The following COG2 variants were observed in gnomAD, a reference collection of about 807,000 sequenced individuals.
The protein encoded by COG2 is conserved oligomeric Golgi complex subunit 2.
Under a neutral mutation model 90.6 loss-of-function variants are expected in COG2, and 52 were observed. The observed-to-expected ratio is 0.57, with a 90% CI of 0.46 to 0.72. The LOEUF (loss-of-function observed/expected upper bound fraction) is 0.72, where lower values mean the gene tolerates loss of function less well. Ranked by LOEUF, COG2 falls within the 30% of genes least tolerant of loss-of-function variation. The probability of loss-of-function intolerance (pLI) is 0.00; values close to 1 mark genes in which losing one functional copy is unlikely to be tolerated. For synonymous variants in COG2, 337 were observed against 320.4 expected, an observed-to-expected ratio of 1.05 and a Z score of -0.55; for missense variants, 829 against 891.2, an observed-to-expected ratio of 0.93 and a Z score of 0.89.
rs1214696125 is a variant in COG2, at chr1:230,669,489, C to T, written c.728C>T (p.Ala243Val). ...TYATIDKTRD[A>V]EALVGQVLVK... Reference sequence around the variant, plus strand: ...GCCACGATTGACAAGACACGGGACGCGGAGGCCTTAGTTGGCCAAGTACTA... The same window carrying T: ...GCCACGATTGACAAGACACGGGACGTGGAGGCCTTAGTTGGCCAAGTACTA... Residue 243 changes from alanine (A) to valine (V), a missense_variant, in exon 7 of 18, where the codon GCG (alanine) becomes GTG (valine). Coordinates refer to ENST00000366669, the MANE Select transcript of COG2 (RefSeq NM_007357.3). The T allele has an allele frequency of 6.2e-6, 10 of 1,613,882 alleles. No homozygotes were observed. The highest frequency in any genetic ancestry group is 5.0e-5 in the Admixed American group (3 of 59,992).
At chr1:230,659,406 G>T in intron 1 of COG2, 58 bp from the exon 2 acceptor site, 1 of 1,335,660 alleles carries the variant, frequency 7.5e-7, no homozygotes, top group Non-Finnish European at 1.1e-6. Context: ...CATTTCATTT[G>T]TATATGTCAC....
At position 230,659,561 on chromosome 1, in the gene COG2, A is replaced by C; in HGVS notation, c.170A>C (p.Lys57Thr). ...CTGGAGCTCTACTATAAACTTCTTA[A>C]AACAGCCATGGTCGAACTCATCAAC... ...DDLELYYKLL[K>T]TAMVELINKD... Residue 57 changes from lysine to threonine, a missense_variant, in exon 2 of 18, where the codon AAA becomes ACA. Transcript: ENST00000366669. 6.2e-7 allele frequency: 1 copy of C among 1,614,098 alleles called. No individual in the cohort carries two copies. The highest frequency in any genetic ancestry group is 8.5e-7 in the Non-Finnish European group (1 of 1,179,990).
At chr1:230,650,388 A>G (rs1368209492) in intron 1 of COG2, among the ~76,000 whole-genome samples, 1 of 152,018 alleles carries the variant, frequency 6.6e-6, no homozygotes. Flanking sequence ...TTTTTAATAA[A>G]AGCTGTTCTG....
At chr1:230,677,928 C>G (rs1662639581) in intron 9 of COG2, 1 of 621,380 alleles carries the variant, frequency 1.6e-6, no homozygotes, top group Admixed American at 6.3e-5. Context: ...GAAGAATAAT[C>G]CCTATTTTTG....
At chr1:230,654,947 G>A (rs7534032) in intron 1 of COG2, among the ~76,000 whole-genome samples, 9,091 of 152,158 alleles carry the variant, frequency 0.06, 562 homozygotes, top group African/African-American at 0.16. Flanking sequence ...CATTGATTTT[G>A]TATCCTGAGA....
intron 1 of COG2, among the ~76,000 whole-genome samples, chr1:230,654,271 C>G (rs1049870548): frequency 1.2e-4 from 19 of 152,060 alleles, no homozygotes; most frequent in Non-Finnish European, 2.9e-5. Flanking sequence ...GTCTTTAATC[C>G]ATCTTGAGTT....
At chr1:230,674,616 G>T (rs12041242) in intron 8 of COG2, among the ~76,000 whole-genome samples, 19,660 of 152,222 alleles carry the variant, frequency 0.13, 1,741 homozygotes, top group Admixed American at 0.2. Flanking sequence ...GTGTGGTTTA[G>T]TGGTGTTCAG....
intron 1 of COG2, among the ~76,000 whole-genome samples, chr1:230,654,851 A>G (rs1466124979): frequency 1.3e-5 from 2 of 152,080 alleles, no homozygotes; most frequent in African/African-American, 4.8e-5. Context: ...TTATTATCTT[A>G]GTAGCAATTG....
chr1:230,668,997 AT>A (rs1662384569), intron 6 of COG2: 1 of 465,028 alleles, frequency 2.2e-6, no homozygotes, highest in Admixed American at 3.9e-5. Context: ...TAAGAGTAAA[AT>A]TAATTCTGAA....
At chr1:230,673,103 G>T (rs2102760817) in intron 8 of COG2, among the ~76,000 whole-genome samples, 2 of 152,256 alleles carry the variant, frequency 1.3e-5, no homozygotes, top group South Asian at 4.1e-4. Flanking sequence ...GAACATAGTA[G>T]AAATCATGAT....
chr1:230,693,904 C>T lies in COG2; in HGVS notation c.*511C>T, dbSNP rs1187111735. 1 of 152,240 alleles carries T rather than the reference C, an allele frequency of 6.6e-6. No homozygotes were observed. The highest frequency in any genetic ancestry group is 1.5e-5 in the Non-Finnish European group (1 of 68,056). 9.4% of individuals were successfully genotyped at this position (152,240 alleles called of 1,614,324 possible). On this transcript the variant is annotated 3_prime_UTR_variant, in exon 18 of 18. Transcript: ENST00000366669. ...TGTGTGTGAGAGCAGTGCTTCTGAT[C>T]CTGCTGTCACCCCGACCTCTGGCAG...
At chr1:230,671,710 C>T (rs998921893) in intron 8 of COG2, 70 bp downstream of exon 8, 7 of 1,389,942 alleles carry the variant, frequency 5.0e-6, no homozygotes, top group South Asian at 2.5e-5. Context: ...TGCAGGTGCA[C>T]GATGGACGAT....
At chr1:230,686,624 C>T (rs1341498040) in intron 12 of COG2, among the ~76,000 whole-genome samples, 1 of 151,962 alleles carries the variant, frequency 6.6e-6, no homozygotes, top group Non-Finnish European at 1.5e-5. Flanking sequence ...TTTTTAAAAC[C>T]TGTGATGTCC....
rs1344001965 is a variant in COG2, at chr1:230,671,466, T to C, written c.775-50T>C. On this transcript the variant is annotated intron_variant, in intron 7 of 17. Coordinates refer to ENST00000366669, the MANE Select transcript of COG2 (RefSeq NM_007357.3). ...ATTGTTTTCTCTGAAATAGATCGTT[T>C]GTACTTCCCTTTTAAATGCTTTTTT... is the stretch of plus-strand genomic sequence containing the variant. 2.0e-6 allele frequency: 3 copies of C among 1,537,414 alleles called. No individual in the cohort carries two copies. In the African/African-American group the frequency reaches 4.1e-5, roughly 21 times the overall value.
chr1:230,671,375 C>G (rs934310970), intron 7 of COG2, 141 bp from the exon 8 acceptor site: 2 of 647,378 alleles, frequency 3.1e-6, no homozygotes, highest in Admixed American at 3.1e-5. Context: ...ATTTACTTCA[C>G]TGTTTAGAAA....
At position 230,663,195 on chromosome 1, in the gene COG2, A is replaced by G; in HGVS notation, c.355A>G (p.Lys119Glu). The G allele has an allele frequency of 1.2e-6, 2 of 1,612,234 alleles. No homozygotes were observed. Among genetic ancestry groups the G allele is most frequent in the Admixed American group, 1.7e-5 (1 of 59,878 alleles). Residue 119 changes from lysine (K) to glutamate (E), a missense_variant, in exon 4 of 18, where the codon AAA (lysine) becomes GAA (glutamate). Physicochemically the swap from Lys to Glu is moderately conservative, Grantham distance 56. Coordinates refer to ENST00000366669, the MANE Select transcript of COG2 (RefSeq NM_007357.3). ...TCGGGCAGTTGATGAACGAATGTCT[A>G]AACAAGAGGACATTAGGAAAAAAAA... ...GIRAVDERMS[K>E]QEDIRKKKMC... is the part of the protein sequence containing the mutation.
At chr1:230,676,461 G>A (rs568737216) in intron 9 of COG2, among the ~76,000 whole-genome samples, 66 of 152,192 alleles carry the variant, frequency 4.3e-4, no homozygotes, top group Non-Finnish European at 7.5e-4. Flanking sequence ...ACAATACGCG[G>A]AACTTAGAAC....
Position 230,691,426 on chromosome 1 carries a change from G to A in COG2, c.1977G>A (p.Lys659=), listed in dbSNP as rs199784400. Residue 659 remains lysine (K), a synonymous_variant, in exon 17 of 18, where the codon AAG becomes AAA. Coordinates refer to ENST00000366669, the MANE Select transcript of COG2 (RefSeq NM_007357.3). ...TVSDVLNSVK[K]MEESLKRLKQ... ...CAGATGTATTAAACTCTGTGAAGAA[G>A]ATGGAAGAGAGCCTGAAAAGGCTGA... is the stretch of plus-strand genomic sequence containing the variant. 5.7e-5 allele frequency: 92 copies of A among 1,614,144 alleles called. No individual in the cohort carries two copies. The highest frequency in any genetic ancestry group is 7.6e-5 in the Non-Finnish European group (90 of 1,180,018).
In COG2 at chr1:230,683,458, G is replaced by GACTTACC. The variant is rs2102769765; in HGVS notation, c.1167-114_1167-108dup. 4 of 723,590 alleles carry GACTTACC rather than the reference G, an allele frequency of 5.5e-6. No homozygotes were observed. The South Asian group carries it at 6.4e-5, about 12-fold the overall frequency. 44.8% of individuals were successfully genotyped at this position (723,590 alleles called of 1,614,324 possible). On this transcript the variant is annotated intron_variant, in intron 10 of 17. Transcript: ENST00000366669. Reference sequence around the variant, plus strand: ...TGGGAGAATAGGCATTCCGAGGCTGGACTTACCAGTGAGTGACAGAGGAAG... The same window carrying GACTTACC: ...TGGGAGAATAGGCATTCCGAGGCTGGACTTACCACTTACCAGTGAGTGACAGAGGAAG...
Sources: allele counts gnomAD v4.1 joint callset (sites outside exome capture counted in the v4.1 genomes callset), GRCh38; gene constraint gnomAD v4.1.1; transcripts MANE v1.5; gene names NCBI Gene and HGNC (gene_info 2026-07-23, HGNC 2026-07-21).